The following CMTM8 variants were observed in gnomAD, a reference collection of about 807,000 sequenced individuals.
CMTM8 encodes the protein CKLF-like MARVEL transmembrane domain-containing protein 8.
Under a neutral mutation model 18.6 loss-of-function variants are expected in CMTM8, and 12 were observed. The ratio of observed to expected loss-of-function variants is 0.65; its 90% CI spans 0.41 to 1.05. The LOEUF is 1.05. Among genes scored for constraint, CMTM8 ranks in the 50% least tolerant of loss-of-function variants. CMTM8 has a pLI of 0.00. For synonymous variants in CMTM8, 87 were observed against 90.6 expected (o/e 0.96, Z 0.23); for missense variants, 217 against 227.2 (o/e 0.95, Z 0.29).
At chr3:32,321,752 C>G (rs1696059052) in intron 1 of CMTM8, among the ~76,000 whole-genome samples, 1 of 152,112 alleles carries the variant, frequency 6.6e-6, no homozygotes, top group African/African-American at 2.4e-5. Context: ...CGCATGCCAC[C>G]ACACCTGGTA....
At chr3:32,269,971 A>T (rs1702412236) in intron 1 of CMTM8, among the ~76,000 whole-genome samples, 1 of 151,318 alleles carries the variant, frequency 6.6e-6, no homozygotes, top group South Asian at 2.1e-4. Flanking sequence ...CGGGGGTCTC[A>T]CTATGTTACC....
intron 1 of CMTM8, among the ~76,000 whole-genome samples, chr3:32,257,278 G>A (rs963674515): frequency 6.6e-6 from 1 of 152,158 alleles, no homozygotes; most frequent in Admixed American, 6.5e-5. Context: ...CACTGGAAAG[G>A]CATTCTTTAT....
intron 1 of CMTM8, among the ~76,000 whole-genome samples, chr3:32,334,271 C>A (rs1186913577): frequency 6.6e-6 from 1 of 151,776 alleles, no homozygotes; most frequent in Non-Finnish European, 1.5e-5. Context: ...AGCCACCACA[C>A]CTGGCCCAAT....
chr3:32,258,206 A>G (rs1431097616), intron 1 of CMTM8, among the ~76,000 whole-genome samples: 1 of 152,118 alleles, frequency 6.6e-6, no homozygotes, highest in Non-Finnish European at 1.5e-5. Flanking sequence ...GCTGCAGACA[A>G]GAAACTCCCT....
At chr3:32,245,089 C>T (rs1235175855) in intron 1 of CMTM8, among the ~76,000 whole-genome samples, 1 of 152,118 alleles carries the variant, frequency 6.6e-6, no homozygotes. Context: ...TCTTGGATGT[C>T]ATGAAATATG....
chr3:32,347,297 G>GTTTT (rs56826485), intron 1 of CMTM8, among the ~76,000 whole-genome samples: 3 of 136,522 alleles, frequency 2.2e-5, no homozygotes, highest in Non-Finnish European at 3.1e-5. Context: ...TTTTGCTTAG[G>GTTTT]TTTTTTTTTT....
intron 1 of CMTM8, among the ~76,000 whole-genome samples, chr3:32,258,610 A>G (rs1008738570): frequency 6.6e-6 from 1 of 152,080 alleles, no homozygotes; most frequent in African/African-American, 2.4e-5. Context: ...CCCAGGCTCA[A>G]GTGAGCCTCT....
At chr3:32,259,718 C>T (rs796255493) in intron 1 of CMTM8, 26 of 1,083,890 alleles carry the variant, frequency 2.4e-5, no homozygotes, top group South Asian at 1.7e-4. Context: ...CGAGCTGGCT[C>T]GGAAGAACTG....
intron 1 of CMTM8, among the ~76,000 whole-genome samples, chr3:32,295,894 C>T (rs950810532): frequency 6.1e-4 from 93 of 152,310 alleles, no homozygotes; most frequent in African/African-American, 2.2e-3. Flanking sequence ...CCTCCAGTTC[C>T]TAAAATGTTC....
chr3:32,274,366 C>T (rs1160716953), intron 1 of CMTM8, among the ~76,000 whole-genome samples: 1 of 152,004 alleles, frequency 6.6e-6, no homozygotes, highest in Non-Finnish European at 1.5e-5. Flanking sequence ...CAGTCTGTCA[C>T]AGTGCTAGAA....
chr3:32,331,681 C>T (rs925258354), intron 1 of CMTM8, among the ~76,000 whole-genome samples: 2 of 152,130 alleles, frequency 1.3e-5, no homozygotes, highest in African/African-American at 4.8e-5. Context: ...GTGGGATATG[C>T]AGACAATGGA....
intron 1 of CMTM8, among the ~76,000 whole-genome samples, chr3:32,315,851 T>C (rs1479376475): frequency 1.3e-5 from 2 of 152,142 alleles, no homozygotes; most frequent in Non-Finnish European, 2.9e-5. Context: ...CTATATTTTA[T>C]TTCTTTTAAG....
chr3:32,320,488 A>G (rs967464170), intron 1 of CMTM8, among the ~76,000 whole-genome samples: 11 of 152,164 alleles, frequency 7.2e-5, no homozygotes, highest in Non-Finnish European at 1.5e-5. Context: ...GGTGGGAGAG[A>G]ATGGGGAACA....
chr3:32,291,041 C>T (rs182595903), intron 1 of CMTM8, among the ~76,000 whole-genome samples: 4 of 152,106 alleles, frequency 2.6e-5, no homozygotes, highest in African/African-American at 9.6e-5. Context: ...AACCGCTGTG[C>T]CTGGCCAATT....
intron 1 of CMTM8, among the ~76,000 whole-genome samples, chr3:32,321,492 C>A (rs1294436156): frequency 6.6e-6 from 1 of 152,032 alleles, no homozygotes; most frequent in East Asian, 1.9e-4. Flanking sequence ...CACCCTAGGA[C>A]CCCCCAGACT....
At chr3:32,324,119 T>C (rs536982423) in intron 1 of CMTM8, among the ~76,000 whole-genome samples, 6 of 152,354 alleles carry the variant, frequency 3.9e-5, no homozygotes, top group Non-Finnish European at 8.8e-5. Flanking sequence ...AGCTTTGTTT[T>C]TCTGTTTGAA....
chr3:32,295,475 AAAAC>A (rs1342099806), intron 1 of CMTM8, among the ~76,000 whole-genome samples: 1 of 99,062 alleles, frequency 1.0e-5, no homozygotes, highest in African/African-American at 4.4e-5. Flanking sequence ...AAAAAAAAAA[AAAAC>A]AAAACAAAAC....
intron 1 of CMTM8, chr3:32,259,144 G>A (rs12497202): frequency 0.23 from 97,626 of 416,198 alleles, 12,215 homozygotes; most frequent in Middle Eastern, 0.26. Flanking sequence ...GGACCTGGCC[G>A]CAGGGACGGC....
In CMTM8 at chr3:32,239,075, G is replaced by A. The variant is rs779329467; in HGVS notation, c.103G>A (p.Glu35Lys). 1.9e-6 allele frequency: 3 copies of A among 1,600,770 alleles called. No homozygotes were observed. Among genetic ancestry groups the A allele is most frequent in the Non-Finnish European group, 2.6e-6 (3 of 1,174,286 alleles). ...CAGCAGCAGCTTCGCCTACGACCGG[G>A]AGTTCCTCCGCACCCTGCCCGGCTT... ...TSSSSFAYDREFLRTLPGFLI... is the reference protein window; with the variant it reads ...TSSSSFAYDRKFLRTLPGFLI... The change falls in exon 1 of 4, where the codon GAG becomes AAG. Residue 35 changes from glutamate to lysine, a missense_variant. Glu to Lys is a moderately conservative substitution (Grantham distance 56, BLOSUM62 1). Coordinates refer to ENST00000307526, the MANE Select transcript of CMTM8 (RefSeq NM_178868.5).
Sources: gnomAD v4.1 joint callset for allele counts (sites outside exome capture counted in the v4.1 genomes callset) on GRCh38, gnomAD v4.1.1 for gene constraint, MANE v1.5 for transcripts, NCBI Gene and HGNC (gene_info 2026-07-23, HGNC 2026-07-21) for gene names.